The following INTS1 variants were observed in gnomAD, a reference collection of about 807,000 sequenced individuals.
INTS1 encodes integrator complex subunit 1.
A neutral mutation model predicts 241.6 loss-of-function variants in INTS1; 137 were observed. That is an observed-to-expected ratio of 0.57 (90% CI 0.49 to 0.65). The LOEUF (loss-of-function observed/expected upper bound fraction) is 0.65, where lower values mean the gene tolerates loss of function less well. Among genes scored for constraint, INTS1 ranks in the 30% least tolerant of loss-of-function variants. The pLI is 0.00. For synonymous variants in INTS1, 1,692 were observed against 1,337.8 expected, an observed-to-expected ratio of 1.26 and a Z score of -5.78; for missense variants, 3,073 against 3,032.2, an observed-to-expected ratio of 1.01 and a Z score of -0.32.
Position 1,496,075 on chromosome 7 carries a change from T to C in INTS1, c.1711+81A>G, listed in dbSNP as rs113176540. 85 of 1,095,404 alleles carry C rather than the reference T, an allele frequency of 7.8e-5. 2 individuals carry two copies. In the African/African-American group the frequency reaches 1.0e-3, roughly 13 times the overall value. 67.9% of individuals were successfully genotyped at this position (1,095,404 alleles called of 1,614,324 possible). On this transcript the variant is annotated intron_variant, in intron 12 of 47. Coordinates refer to ENST00000404767, the MANE Select transcript of INTS1 (RefSeq NM_001080453.3). The stretch of plus-strand genomic sequence containing the variant: ...CTCCTGCCGGGCGCTCAGGGGACAG[T>C]GCAGCCTCGGAGAGCCGCCAGCCAC...
chr7:1,493,893 G>A lies in INTS1; in HGVS notation c.1929C>T (p.Cys643=). The change falls in exon 15 of 48, where the codon TGC becomes TGT. Residue 643 remains cysteine, a synonymous_variant. Transcript: ENST00000404767. This position sits in a 1 kb window ranked among gnomAD's most constrained non-coding sequence, Gnocchi z 5.3. ...ESDRNFFLRL[C]SEVPILEDTL... Reference sequence around the variant, plus strand: ...TGTCCTCCAAAATGGGCACCTCGGAGCACAGACGCAGGAAGAAGCTGCGGG... The same window carrying A: ...TGTCCTCCAAAATGGGCACCTCGGAACACAGACGCAGGAAGAAGCTGCGGG... 1 of 1,562,414 alleles carries A rather than the reference G, an allele frequency of 6.4e-7. No homozygotes were observed. The highest frequency in any genetic ancestry group is 1.7e-4 in the Middle Eastern group (1 of 5,990).
At position 1,471,221 on chromosome 7, in the gene INTS1, T is replaced by A; in HGVS notation, c.6259A>T (p.Asn2087Tyr). The A allele has an allele frequency of 6.3e-7, 1 of 1,575,996 alleles. No homozygotes were observed. The highest frequency in any genetic ancestry group is 2.3e-5 in the East Asian group (1 of 42,642). Residue 2087 changes from asparagine to tyrosine, a missense_variant, in exon 46 of 48, where the codon AAC becomes TAC. Asn to Tyr is a moderately radical substitution (Grantham distance 143). Transcript: ENST00000404767. ...GCCGAGCTCATCAGCCGCTGCAGGT[T>A]GGTCTGACCGGGGGAAAGGTGGGAG... Reference protein sequence around the residue: ...RPEILSFFSTNLQRLMSSAEE... With the variant: ...RPEILSFFSTYLQRLMSSAEE...
intron 10 of INTS1, 198 bp downstream of exon 10, chr7:1,498,214 T>C (rs1414246106): frequency 7.9e-6 from 6 of 758,614 alleles, no homozygotes; most frequent in Non-Finnish European, 8.3e-6. Context: ...AGAAAGACGC[T>C]GGGCGCTGTG....
chr7:1,481,415 G>A lies in INTS1; in HGVS notation c.3777C>T (p.Ser1259=). 1 of 1,612,974 alleles carries A rather than the reference G, an allele frequency of 6.2e-7. No homozygotes were observed. Among genetic ancestry groups the A allele is most frequent in the Non-Finnish European group, 8.5e-7 (1 of 1,179,758 alleles). ...CCTGGTCCAGGAACTGGAGGAGTTT[G>A]CTCATGCTGGACACGGGGATGCCAA... ...QSFGIPVSSM[S]KLLQFLDQAV... Residue 1259 remains serine, a synonymous_variant, in exon 28 of 48, where the codon AGC becomes AGT. Transcript: ENST00000404767. The surrounding 1 kb of genome is among the most constrained non-coding windows in gnomAD (Gnocchi z 6.8).
In INTS1 at chr7:1,474,183, G is replaced by C. The variant is rs751820201; in HGVS notation, c.5814C>G (p.Phe1938Leu). ...GAGCACACACCAGCAGCAGGCGGAT[G>C]AAGGACAGAAGGCAGTCCCACAGCG... ...QGALWDCLLSFIRLLLNYRKS... is the reference protein window; with the variant it reads ...QGALWDCLLSLIRLLLNYRKS... Residue 1938 changes from phenylalanine (F) to leucine (L), a missense_variant, in exon 41 of 48, where the codon TTC becomes TTG. Physicochemically the swap from Phe to Leu is conservative, Grantham distance 22. Transcript: ENST00000404767. The C allele has an allele frequency of 5.1e-6, 8 of 1,573,030 alleles. No individual in the cohort carries two copies. The South Asian group carries it at 5.7e-5, about 11-fold the overall frequency.
Position 1,477,839 on chromosome 7 carries a change from G to A in INTS1, c.4728C>T (p.Ala1576=), listed in dbSNP as rs779288037. 3.1e-6 allele frequency: 5 copies of A among 1,612,530 alleles called. No individual in the cohort carries two copies. The East Asian group carries it at 8.9e-5, about 29-fold the overall frequency. Residue 1576 remains alanine (A), a synonymous_variant, in exon 34 of 48, where the codon GCC becomes GCT. Coordinates refer to ENST00000404767, the MANE Select transcript of INTS1 (RefSeq NM_001080453.3). ...ATADAASPFP[A]CKPVVVVSSL... is the part of the protein sequence containing the mutation. ...AGCTCACCACCACAACGGGCTTACA[G>A]GCTGGAAACGGGGAGGCAGCATCCG...
intron 23 of INTS1, 35 bp downstream of exon 23, chr7:1,485,255 T>A (rs752928593): frequency 1.9e-6 from 3 of 1,597,694 alleles, no homozygotes; most frequent in Non-Finnish European, 2.6e-6. Context: ...GGCCCTCTCA[T>A]CTTTCCCTGC....
chr7:1,498,564 T>C lies in INTS1; in HGVS notation c.1284-11A>G, dbSNP rs1782974478. 1 of 1,613,252 alleles carries C rather than the reference T, an allele frequency of 6.2e-7. No homozygotes were observed. Among genetic ancestry groups the C allele is most frequent in the Non-Finnish European group, 8.5e-7 (1 of 1,179,796 alleles). ...GCGCTCAGCAGCTCCCTGGGTGAGGTGAGGGTACAGACCCTGTCCCCGCTA... is the reference window on the plus strand; with the variant it reads ...GCGCTCAGCAGCTCCCTGGGTGAGGCGAGGGTACAGACCCTGTCCCCGCTA... On this transcript the variant is annotated splice_polypyrimidine_tract_variant and intron_variant, in intron 9 of 47. Coordinates refer to ENST00000404767, the MANE Select transcript of INTS1 (RefSeq NM_001080453.3).
chr7:1,487,138 C>T (rs1217665226), intron 20 of INTS1, 37 bp from the exon 21 acceptor site: 10 of 1,534,638 alleles, frequency 6.5e-6, no homozygotes, highest in Non-Finnish European at 8.8e-6. Context: ...CAGCACCTTC[C>T]AGGCCCAACA....
rs1277685698 is a variant in INTS1, at chr7:1,494,536, C to T, written c.1910+280G>A. The T allele has an allele frequency of 3.0e-5, 16 of 534,084 alleles. 1 individual carries two copies. In the South Asian group the frequency reaches 3.2e-4, roughly 11 times the overall value. 33.1% of individuals were successfully genotyped at this position (534,084 alleles called of 1,614,324 possible). On this transcript the variant is annotated intron_variant, in intron 14 of 47. Transcript: ENST00000404767. ...GTGAAGGGTGGCGTGCCCGTGGACG[C>T]CCTGGAAGCAACTGGAAGGCGGGGG...
intron 14 of INTS1, chr7:1,494,330 G>A (rs1481863263): frequency 4.0e-6 from 1 of 251,354 alleles, no homozygotes; most frequent in Non-Finnish European, 7.8e-6. Flanking sequence ...CAGGGCACGA[G>A]GTGGGGGCAG....
Position 1,487,338 on chromosome 7 carries a change from G to C in INTS1, c.2628C>G (p.Leu876=), listed in dbSNP as rs765127527. 6.2e-7 allele frequency: 1 copy of C among 1,603,124 alleles called. No homozygotes were observed. Among genetic ancestry groups the C allele is most frequent in the South Asian group, 1.1e-5 (1 of 89,156 alleles). ...CACTCACCTGCCGCTGGATGATGTG[G>C]AGGAGAAAGTCAGGGTTTCGGCTGC... ...LCRSRNPDFL[L]HIIQRQASSQ... is the part of the protein sequence containing the mutation. Residue 876 remains leucine (L), a synonymous_variant, in exon 20 of 48, where the codon CTC becomes CTG. Coordinates refer to ENST00000404767, the MANE Select transcript of INTS1 (RefSeq NM_001080453.3).
Position 1,497,095 on chromosome 7 carries a change from A to T in INTS1, c.1602+43T>A. On this transcript the variant is annotated intron_variant, in intron 11 of 47. Transcript: ENST00000404767. The surrounding 1 kb of genome is among the most constrained non-coding windows in gnomAD (Gnocchi z 5.3). Reference sequence around the variant, plus strand: ...GACGAGGGGGATGGCGGCGCGTGGAACCCGCAGTGAGGGAAAGGCGCCCCA... The same window carrying T: ...GACGAGGGGGATGGCGGCGCGTGGATCCCGCAGTGAGGGAAAGGCGCCCCA... 1 of 1,550,384 alleles carries T rather than the reference A, an allele frequency of 6.5e-7. No homozygotes were observed. The highest frequency in any genetic ancestry group is 8.7e-7 in the Non-Finnish European group (1 of 1,151,548).
chr7:1,498,442 T>G lies in INTS1; in HGVS notation c.1395A>C (p.Ala465=). 6.2e-7 allele frequency: 1 copy of G among 1,613,824 alleles called. No individual in the cohort carries two copies. Among genetic ancestry groups the G allele is most frequent in the Non-Finnish European group, 8.5e-7 (1 of 1,179,860 alleles). ...NPNNMQVLYT[A]LQHSSELAPK... ...GCGCCAGCTCTGAGCTGTGCTGCAG[T>G]GCGGTATAGAGGACCTGCATGTTGT... The change falls in exon 10 of 48, where the codon GCA becomes GCC. Residue 465 remains alanine, a synonymous_variant. Transcript: ENST00000404767.
Position 1,487,950 on chromosome 7 carries a change from A to G in INTS1, c.2326T>C (p.Ser776Pro). ...TCCGTCAGGGTGCACGGTGGGTAGG[A>G]GTAGTTGCTAGGGCCAGACGGGGGA... ...LMEMVMTNNY[S>P]YPPCTLTDEE... Residue 776 changes from serine to proline, a missense_variant, in exon 19 of 48, where the codon TCC becomes CCC. By Grantham distance (74) the Ser-to-Pro change is moderately conservative (BLOSUM62 -1). Coordinates refer to ENST00000404767, the MANE Select transcript of INTS1 (RefSeq NM_001080453.3). 6.2e-7 allele frequency: 1 copy of G among 1,613,072 alleles called. No homozygotes were observed. Among genetic ancestry groups the G allele is most frequent in the East Asian group, 2.2e-5 (1 of 44,848 alleles).
At chr7:1,478,640 C>T (rs994472811) in intron 32 of INTS1, 86 bp downstream of exon 32, 2 of 1,487,358 alleles carry the variant, frequency 1.3e-6, no homozygotes, top group Middle Eastern at 2.4e-4. Flanking sequence ...ACTGCCCAGG[C>T]CTCGGGGTGC....
intron 16 of INTS1, 106 bp from the exon 17 acceptor site, chr7:1,489,788 G>C (rs551953193): frequency 1.3e-6 from 1 of 779,110 alleles, no homozygotes; most frequent in African/African-American, 1.8e-5. Context: ...CTGGCTCCCA[G>C]CTCCTCCCGG....
chr7:1,492,929 G>A, intron 16 of INTS1, 81 bp downstream of exon 16: 12 of 968,458 alleles, frequency 1.2e-5, no homozygotes, highest in Middle Eastern at 2.9e-4. Context: ...TGGGGAGCGG[G>A]GCGCGGGCTT....
chr7:1,486,378 C>G (rs1336466147), intron 22 of INTS1, among the ~76,000 whole-genome samples: 5 of 152,060 alleles, frequency 3.3e-5, no homozygotes, highest in African/African-American at 1.2e-4. Flanking sequence ...AGTCTCCTGC[C>G]TCAGCCTCCA....
Sources: allele counts gnomAD v4.1 joint callset (sites outside exome capture counted in the v4.1 genomes callset), GRCh38; gene constraint gnomAD v4.1.1; non-coding constraint Gnocchi (gnomAD v3.1); transcripts MANE v1.5; gene names NCBI Gene and HGNC (gene_info 2026-07-23, HGNC 2026-07-21).